The following LSAMP variants were observed in gnomAD, a reference collection of about 807,000 sequenced individuals.
The protein encoded by LSAMP is limbic system-associated membrane protein.
A neutral mutation model predicts 38.6 loss-of-function variants in LSAMP; 7 were observed. That is an observed-to-expected ratio of 0.18 (90% CI 0.10 to 0.34). LSAMP has a LOEUF of 0.34. LSAMP is among the 10% of genes least tolerant of loss of function. LSAMP has a pLI of 1.00. For missense variants in LSAMP, 313 were observed against 420.0 expected, an observed-to-expected ratio of 0.75 and a Z score of 2.23; for synonymous variants, 154 against 166.8, an observed-to-expected ratio of 0.92 and a Z score of 0.59.
At chr3:116,219,620 A>G (rs1276417957) in intron 1 of LSAMP, among the ~76,000 whole-genome samples, 2 of 152,226 alleles carry the variant, frequency 1.3e-5, no homozygotes, top group South Asian at 2.1e-4. Context: ...AGGAAGTGGG[A>G]CTACATCAAA....
Position 115,805,853 on chromosome 3 carries a change from A to T in LSAMP, c.*4464T>A, listed in dbSNP as rs1933617515. 6.6e-6 allele frequency: 1 copy of T among 152,240 alleles called. No homozygotes were observed. The highest frequency in any genetic ancestry group is 2.4e-5 in the African/African-American group (1 of 41,470). 9.4% of individuals were successfully genotyped at this position (152,240 alleles called of 1,614,324 possible). A position where few individuals can be genotyped will look rare whatever the true frequency, so the allele number is the denominator to read the frequency against. On this transcript the variant is annotated 3_prime_UTR_variant, in exon 7 of 7. Transcript: ENST00000490035. ...TTATGCCAACCATGATGGAAAATTT[A>T]CATCACTGAGGCAAATGCAGTCTTT...
intron 2 of LSAMP, among the ~76,000 whole-genome samples, chr3:116,084,070 C>G (rs557886237): frequency 1.2e-4 from 18 of 152,218 alleles, no homozygotes; most frequent in African/African-American, 3.6e-4. Context: ...GTTTGAAACC[C>G]TGTCCTAAGC....
intron 1 of LSAMP, among the ~76,000 whole-genome samples, chr3:116,352,824 A>G (rs540419854): frequency 1.9e-4 from 29 of 152,196 alleles, no homozygotes; most frequent in Admixed American, 5.2e-4. Flanking sequence ...GGTGTCTTGC[A>G]TATTTATATA....
Position 115,810,242 on chromosome 3 carries a change from T to TGA in LSAMP, c.*74_*75insTC. ...CCCCATCTCTCTCTCTCTCTCTCTCTCTGTCTCTCTCTCTCTGTATTCTGT... is the reference window on the plus strand; with the variant it reads ...CCCCATCTCTCTCTCTCTCTCTCTCTGACTGTCTCTCTCTCTCTGTATTCTGT... On this transcript the variant is annotated 3_prime_UTR_variant, in exon 7 of 7. Transcript: ENST00000490035. 1.0e-6 allele frequency: 1 copy of TGA among 984,290 alleles called. No individual in the cohort carries two copies. 61.0% of individuals were successfully genotyped at this position (984,290 alleles called of 1,614,324 possible).
Position 116,056,506 on chromosome 3 carries a change from T to C in LSAMP, c.388+29818A>G, listed in dbSNP as rs76327259. On this transcript the variant is annotated intron_variant, in intron 2 of 6. Transcript: ENST00000490035. ...CCCAGATATGTCATAATGGTACTTA[T>C]TATTAGTAGAAAGTAGAAAGCACAG... Among the ~76,000 whole-genome samples the C allele has an allele frequency of 2.9e-3, 439 of 152,240 alleles. 5 individuals are homozygous for C. Among genetic ancestry groups the C allele is most frequent in the African/African-American group, 0.01 (420 of 41,566 alleles).
chr3:116,273,104 A>T (rs1576474174), intron 1 of LSAMP, among the ~76,000 whole-genome samples: 1 of 152,262 alleles, frequency 6.6e-6, no homozygotes, highest in Non-Finnish European at 1.5e-5. Flanking sequence ...AGAAAGAGAT[A>T]AGCAGGACAG....
intron 1 of LSAMP, among the ~76,000 whole-genome samples, chr3:116,336,250 G>C (rs1168545684): frequency 6.6e-6 from 1 of 151,818 alleles, no homozygotes; most frequent in Admixed American, 6.6e-5. Context: ...CAAAAGAATA[G>C]ACAAAAAAGA....
chr3:115,841,971 C>G lies in LSAMP; in HGVS notation c.793G>C (p.Glu265Gln). The G allele has an allele frequency of 3.7e-6, 6 of 1,613,168 alleles. No individual in the cohort carries two copies. Among genetic ancestry groups the G allele is most frequent in the Non-Finnish European group, 5.1e-6 (6 of 1,179,912 alleles). ...GACTGGCCCTCCGTGCTCTTAATCT[C>G]AAGGCCATTGGCACTATTTATCCTA... is the stretch of plus-strand genomic sequence containing the variant. ...DTRINSANGL[E>Q]IKSTEGQSSL... Residue 265 changes from glutamate (E) to glutamine (Q), a missense_variant, in exon 6 of 7, where the codon GAG becomes CAG. Glu to Gln is a conservative substitution (Grantham distance 29). Coordinates refer to ENST00000490035, the MANE Select transcript of LSAMP (RefSeq NM_002338.5).
At chr3:116,120,136 G>C (rs1020528967) in intron 1 of LSAMP, among the ~76,000 whole-genome samples, 6 of 152,052 alleles carry the variant, frequency 3.9e-5, no homozygotes, top group African/African-American at 1.4e-4. Context: ...TTTTCAAGGA[G>C]CTCACGGTCA....
chr3:115,841,538 T>C (rs1012304492), intron 6 of LSAMP: 5 of 215,316 alleles, frequency 2.3e-5, no homozygotes, highest in Non-Finnish European at 3.7e-5. Context: ...AAAGGACCAC[T>C]GCCAAAGAGA....
At chr3:115,845,633 C>T (rs1020346503) in intron 4 of LSAMP, among the ~76,000 whole-genome samples, 81 of 152,296 alleles carry the variant, frequency 5.3e-4, no homozygotes, top group African/African-American at 1.8e-3. Flanking sequence ...TTCATGTGGG[C>T]AGGCCCGTCC....
rs185173891 is a variant in LSAMP at position 116,434,617 on chromosome 3, G to A, written c.155+10260C>T. Among the ~76,000 whole-genome samples, 68 of 152,210 alleles carry A rather than the reference G, an allele frequency of 4.5e-4. 1 individual carries two copies. In the East Asian group the frequency reaches 8.7e-3, roughly 19 times the overall value. On this transcript the variant is annotated intron_variant, in intron 1 of 6. Coordinates refer to ENST00000490035, the MANE Select transcript of LSAMP (RefSeq NM_002338.5). The stretch of plus-strand genomic sequence containing the variant: ...TTGCTAGACTGGAGTGCAGTGGCGC[G>A]ATCTCGGCTCACTGAAACTCTGCCT...
intron 1 of LSAMP, among the ~76,000 whole-genome samples, chr3:116,224,073 TGTGA>T (rs1392788600): frequency 1.3e-5 from 2 of 152,150 alleles, no homozygotes; most frequent in African/African-American, 2.4e-5. Flanking sequence ...TGATTCCACA[TGTGA>T]GTATGTCAAA....
intron 3 of LSAMP, among the ~76,000 whole-genome samples, chr3:115,982,192 T>A (rs1939380051): frequency 6.6e-6 from 1 of 152,182 alleles, no homozygotes; most frequent in Non-Finnish European, 1.5e-5. Flanking sequence ...CGGTTATTGA[T>A]GAATGAGAAT....
chr3:116,381,755 G>A (rs564697274), intron 1 of LSAMP, among the ~76,000 whole-genome samples: 2 of 151,954 alleles, frequency 1.3e-5, no homozygotes, highest in African/African-American at 2.4e-5. Flanking sequence ...GTTGACTACC[G>A]CAGAGACCAC....
chr3:116,180,474 T>C (rs1710459703), intron 1 of LSAMP, among the ~76,000 whole-genome samples: 1 of 152,018 alleles, frequency 6.6e-6, no homozygotes, highest in Non-Finnish European at 1.5e-5. Flanking sequence ...AGCTGTTCCA[T>C]AGGGAAGATT....
At chr3:115,866,095 GA>G (rs1935849958) in intron 3 of LSAMP, among the ~76,000 whole-genome samples, 1 of 152,076 alleles carries the variant, frequency 6.6e-6, no homozygotes, top group Admixed American at 6.6e-5. Context: ...GTGAAGTTTA[GA>G]AAAGTTAAGG....
In LSAMP at chr3:116,019,283, C is replaced by T. The variant is rs192026075; in HGVS notation, c.514+232G>A. Among the ~76,000 whole-genome samples, 583 of 151,494 alleles carry T rather than the reference C, an allele frequency of 3.8e-3. 3 individuals carry two copies. The highest frequency in any genetic ancestry group is 0.013 in the African/African-American group (546 of 41,312). On this transcript the variant is annotated intron_variant, in intron 3 of 6. Coordinates refer to ENST00000490035, the MANE Select transcript of LSAMP (RefSeq NM_002338.5). ...ATATATTCAGTACAATGATTGTAAA[C>T]TTTATAGAGATTAACACGTTAGCAA...
chr3:116,203,489 G>A (rs886280117), intron 1 of LSAMP, among the ~76,000 whole-genome samples: 88 of 151,304 alleles, frequency 5.8e-4, no homozygotes, highest in African/African-American at 1.9e-3. Flanking sequence ...ATGCTGGTGC[G>A]CTGCACCCAC....
Sources: gnomAD v4.1 joint callset for allele counts (sites outside exome capture counted in the v4.1 genomes callset) on GRCh38, gnomAD v4.1.1 for gene constraint, MANE v1.5 for transcripts, NCBI Gene and HGNC (gene_info 2026-07-23, HGNC 2026-07-21) for gene names.